NBPF15: variants seen among roughly 807,000 people sequenced by gnomAD.
NBPF15 encodes the protein NBPF member 15.
Under a neutral mutation model 62.2 loss-of-function variants are expected in NBPF15, and 74 were observed. That is an observed-to-expected ratio of 1.19 (90% CI 0.99 to 1.44). The LOEUF (loss-of-function observed/expected upper bound fraction) is 1.44. Ranked by LOEUF, NBPF15 falls within the 40% of genes most tolerant of loss-of-function variation. NBPF15 has a pLI of 0.00. For missense variants in NBPF15, 790 were observed against 550.0 expected (o/e 1.44, Z -4.36); for synonymous variants, 244 against 209.7 (o/e 1.16, Z -1.41).
rs1387797972 is a variant in NBPF15 at position 144,445,268 on chromosome 1, A to ATG, written c.-191+3505_-191+3506dup. ...TGTGTGTGTTTGTGTGTGTCTGTAT[A>ATG]TGTATATATATATATATATATATAT... On this transcript the variant is annotated intron_variant, in intron 6 of 21. Transcript: ENST00000581897. Among the ~76,000 whole-genome samples, 28 of 93,800 alleles carry ATG rather than the reference A, an allele frequency of 3.0e-4. 1 individual carries two copies. The highest frequency in any genetic ancestry group is 4.9e-4 in the Non-Finnish European group (22 of 44,618). The allele number at this position is 93,800 out of a possible 152,430, so 61.5% of individuals were successfully genotyped here.
chr1:144,443,505 T>G (rs1478875322), intron 6 of NBPF15, among the ~76,000 whole-genome samples: 1 of 151,502 alleles, frequency 6.6e-6, no homozygotes, highest in Non-Finnish European at 1.5e-5. Flanking sequence ...ACTAGAAATA[T>G]TAATCAGAAT....
chr1:144,447,894 G>C (rs1262072938), intron 6 of NBPF15, among the ~76,000 whole-genome samples: 8 of 152,000 alleles, frequency 5.3e-5, no homozygotes, highest in African/African-American at 1.7e-4. Context: ...CTGCCAGGCT[G>C]AGGGAAGGTG....
At chr1:144,453,358 G>C (rs191479039) in intron 4 of NBPF15, among the ~76,000 whole-genome samples, 1 of 151,866 alleles carries the variant, frequency 6.6e-6, no homozygotes, top group African/African-American at 2.4e-5. Flanking sequence ...AATGTAAGGT[G>C]CAAAACCATA....
chr1:144,432,391 C>T (rs1675011484), intron 13 of NBPF15, among the ~76,000 whole-genome samples: 1 of 152,102 alleles, frequency 6.6e-6, no homozygotes, highest in South Asian at 2.1e-4. Flanking sequence ...TAGGAAGAAA[C>T]TGCATCAACT....
At chr1:144,426,480 G>A (rs1553539284) in intron 17 of NBPF15, 30 bp from the exon 18 acceptor site, 8 of 827,074 alleles carry the variant, frequency 9.7e-6, no homozygotes, top group Non-Finnish European at 1.3e-5. Context: ...TAAAGAATAA[G>A]CCAGGGAGAA....
At chr1:144,436,873 T>C in intron 10 of NBPF15, 22 bp downstream of exon 10, 2 of 1,611,542 alleles carry the variant, frequency 1.2e-6, no homozygotes, top group South Asian at 1.1e-5. Flanking sequence ...TTTTGGGTCA[T>C]CAGGGCCTAT....
rs1677407051 is a variant in NBPF15, at chr1:144,435,338, A to G, written c.567-22T>C. 3 of 1,454,916 alleles carry G rather than the reference A, an allele frequency of 2.1e-6. No individual in the cohort carries two copies. The East Asian group carries it at 6.8e-5, about 33-fold the overall frequency. The allele number at this position is 1,454,916 out of a possible 1,614,324, so 90.1% of individuals were successfully genotyped here. On this transcript the variant is annotated intron_variant, in intron 11 of 21. Transcript: ENST00000581897. ...CTCCCTGATGAGCCAGGTGGGACAG[A>G]GATGACAGAAGATTAAACACAGAGG...
intron 17 of NBPF15, among the ~76,000 whole-genome samples, chr1:144,426,737 G>A (rs782360641): frequency 2.0e-5 from 3 of 151,890 alleles, no homozygotes; most frequent in East Asian, 1.9e-4. Context: ...GAGTTAGTGC[G>A]CTCGGGACAC....
At chr1:144,438,983 C>CATT (rs1180846025) in intron 8 of NBPF15, among the ~76,000 whole-genome samples, 2 of 151,410 alleles carry the variant, frequency 1.3e-5, no homozygotes, top group Non-Finnish European at 2.9e-5. Flanking sequence ...TTTTATTTAT[C>CATT]ATTATTATTA....
chr1:144,431,385 A>T (rs1571119247), intron 13 of NBPF15, among the ~76,000 whole-genome samples: 1 of 150,058 alleles, frequency 6.7e-6, no homozygotes, highest in Non-Finnish European at 1.5e-5. Flanking sequence ...CTTGGCACAA[A>T]CCCTACAAGC....
At chr1:144,430,105 C>A (rs1337338996) in intron 13 of NBPF15, among the ~76,000 whole-genome samples, 1 of 151,098 alleles carries the variant, frequency 6.6e-6, no homozygotes, top group Admixed American at 6.6e-5. Flanking sequence ...CAACTCAGGG[C>A]ACCCAGACTC....
chr1:144,455,387 C>A (rs1571166419), intron 4 of NBPF15, among the ~76,000 whole-genome samples: 1 of 152,148 alleles, frequency 6.6e-6, no homozygotes, highest in East Asian at 1.9e-4. Context: ...AACACGCTAA[C>A]TAGTTATTGG....
At chr1:144,448,235 G>T (rs1247404288) in intron 6 of NBPF15, among the ~76,000 whole-genome samples, 1 of 152,050 alleles carries the variant, frequency 6.6e-6, no homozygotes, top group East Asian at 1.9e-4. Flanking sequence ...ACCTCCAAAT[G>T]TTCCTCTGGC....
rs1403290886 is a variant in NBPF15 at position 144,436,464 on chromosome 1, G to T, written c.493+431C>A. On this transcript the variant is annotated intron_variant, in intron 10 of 21. Transcript: ENST00000581897. ...CCACATTTGAATGCTTCAGACCCTT[G>T]CAAGAGACAATTTGTCTGCCACGGA... Among the ~76,000 whole-genome samples the T allele has an allele frequency of 3.3e-5, 5 of 151,956 alleles. No individual in the cohort carries two copies. The Middle Eastern group carries it at 0.014, about 416-fold the overall frequency.
intron 6 of NBPF15, among the ~76,000 whole-genome samples, chr1:144,448,240 T>G (rs1553544711): frequency 6.6e-6 from 1 of 152,130 alleles, no homozygotes; most frequent in South Asian, 2.1e-4. Context: ...CAAATGTTCC[T>G]CTGGCTCTGA....
intron 16 of NBPF15, 90 bp downstream of exon 16, chr1:144,427,728 C>T (rs1213956975): frequency 8.2e-6 from 5 of 607,696 alleles, no homozygotes; most frequent in Middle Eastern, 4.4e-4. Context: ...AATGACATCT[C>T]TCAGCTCAGT....
rs1213364915 is a variant in NBPF15 at position 144,426,336 on chromosome 1, G to A, written c.1380C>T (p.Tyr460=). 2 of 784,056 alleles carry A rather than the reference G, an allele frequency of 2.6e-6. No homozygotes were observed. Among genetic ancestry groups the A allele is most frequent in the Non-Finnish European group, 4.7e-6 (2 of 428,442 alleles). The allele number at this position is 784,056 out of a possible 1,614,324, so 48.6% of individuals were successfully genotyped here. The change falls in exon 18 of 22, where the codon TAC becomes TAT. Residue 460 remains tyrosine (Y), a synonymous_variant. Transcript: ENST00000581897. ...CCTCCAATGAGTAAACAGCACTGCTGTAGGGCTGGCCTAAGTCAGGCAGTT... is the reference window on the plus strand; with the variant it reads ...CCTCCAATGAGTAAACAGCACTGCTATAGGGCTGGCCTAAGTCAGGCAGTT... The part of the protein sequence containing the change: ...YLELPDLGQP[Y]SSAVYSLEEQ...
chr1:144,426,242 G>C (rs1669536430), intron 18 of NBPF15, 36 bp downstream of exon 18: 1 of 569,448 alleles, frequency 1.8e-6, no homozygotes. Flanking sequence ...TGGAAGACCA[G>C]GTGGAGGCTT....
chr1:144,432,109 A>T (rs1288422717), intron 13 of NBPF15, among the ~76,000 whole-genome samples: 13 of 152,122 alleles, frequency 8.5e-5, no homozygotes, highest in Admixed American at 8.5e-4. Flanking sequence ...AGTCCCACCA[A>T]CAGTGTAAAA....
Sources: allele counts gnomAD v4.1 joint callset (sites outside exome capture counted in the v4.1 genomes callset), GRCh38; gene constraint gnomAD v4.1.1; transcripts MANE v1.5; gene names NCBI Gene and HGNC (gene_info 2026-07-23, HGNC 2026-07-21).